The following MEGF6 variants were observed in gnomAD, a reference collection of about 807,000 sequenced individuals.
The protein encoded by MEGF6 is multiple EGF like domains 6.
In MEGF6, 184 loss-of-function variants were observed where a neutral mutation model predicts 207.1. That is an observed-to-expected ratio of 0.89 (90% confidence interval 0.79 to 1.00). The LOEUF (loss-of-function observed/expected upper bound fraction) is 1.00, where lower values mean the gene tolerates loss of function less well. Ranked by LOEUF, MEGF6 falls within the 50% of genes least tolerant of loss-of-function variation. The pLI is 0.00. For missense variants in MEGF6, 2,282 were observed against 2,202.9 expected (o/e 1.04, Z -0.72); for synonymous variants, 1,038 against 910.0 (o/e 1.14, Z -2.53).
chr1:3,564,418 T>C (rs927863895), intron 4 of MEGF6, among the ~76,000 whole-genome samples: 1 of 152,090 alleles, frequency 6.6e-6, no homozygotes, highest in Non-Finnish European at 1.5e-5. Flanking sequence ...CACAAAAGAC[T>C]GCATTGTAAG....
At chr1:3,515,052 G>T (rs1358015138) in intron 6 of MEGF6, among the ~76,000 whole-genome samples, 1 of 152,172 alleles carries the variant, frequency 6.6e-6, no homozygotes, top group African/African-American at 2.4e-5. Flanking sequence ...CTCAGCACCT[G>T]CCCCACCCAC....
intron 4 of MEGF6, among the ~76,000 whole-genome samples, chr1:3,568,252 G>GAC (rs1343670116): frequency 2.0e-5 from 3 of 152,136 alleles, no homozygotes; most frequent in Admixed American, 2.0e-4. Context: ...ATGTGTCATA[G>GAC]ACACACTGGG....
chr1:3,519,322 C>T (rs1049247956), intron 5 of MEGF6, among the ~76,000 whole-genome samples: 3 of 152,270 alleles, frequency 2.0e-5, no homozygotes, highest in African/African-American at 7.2e-5. Context: ...ACCAGGGGCA[C>T]CGTGTGCTTT....
chr1:3,505,426 C>T lies in MEGF6; in HGVS notation c.2049G>A (p.Gln683=). 1 of 1,610,568 alleles carries T rather than the reference C, an allele frequency of 6.2e-7. No individual in the cohort carries two copies. The highest frequency in any genetic ancestry group is 8.5e-7 in the Non-Finnish European group (1 of 1,179,058). The change falls in exon 16 of 37, where the codon CAG becomes CAA. Residue 683 remains glutamine, a synonymous_variant. Transcript: ENST00000356575. ...AGACCCCATGCCTGGACTCACCTGC[C>T]TGACAGCGCTCGCCCCGGAAGCCAG... ...CKAGFRGERC[Q]AECELGYFGP...
intron 6 of MEGF6, 83 bp downstream of exon 6, chr1:3,515,319 C>T (rs1436893880): frequency 2.0e-6 from 3 of 1,494,564 alleles, no homozygotes; most frequent in East Asian, 4.9e-5. Context: ...CTCCTGAAGA[C>T]CCACTTCCAC....
Position 3,501,887 on chromosome 1 carries a change from C to A in MEGF6, c.2223G>T (p.Ser741=), listed in dbSNP as rs200439973. The A allele has an allele frequency of 5.6e-6, 9 of 1,608,952 alleles. No individual in the cohort carries two copies. The highest frequency in any genetic ancestry group is 6.8e-6 in the Non-Finnish European group (8 of 1,178,594). The change falls in exon 18 of 37, where the codon TCG becomes TCT. Residue 741 remains serine (S), a synonymous_variant. Coordinates refer to ENST00000356575, the MANE Select transcript of MEGF6 (RefSeq NM_001409.4). ...GGGCCCCCCCACAGGAGCAGGAGCTCGAGCAGTTCACGCCAAACGTCCCCA... is the reference window on the plus strand; with the variant it reads ...GGGCCCCCCCACAGGAGCAGGAGCTAGAGCAGTTCACGCCAAACGTCCCCA... ...CPVGTFGVNC[S]SSCSCGGAPC...
chr1:3,595,550 C>T (rs778793213), intron 2 of MEGF6, 103 bp from the exon 3 acceptor site: 219 of 991,442 alleles, frequency 2.2e-4, no homozygotes, highest in East Asian at 6.9e-4. Flanking sequence ...GCCGGGTTCC[C>T]GGCGGCACAG....
At chr1:3,540,858 C>T (rs576798947) in intron 4 of MEGF6, among the ~76,000 whole-genome samples, 29 of 152,338 alleles carry the variant, frequency 1.9e-4, no homozygotes, top group East Asian at 3.9e-4. Context: ...TCCACTCGAA[C>T]GCAGGAATTT....
At position 3,559,921 on chromosome 1, in the gene MEGF6, G is replaced by A. The variant is rs1036393806; in HGVS notation, c.481+19904C>T. On this transcript the variant is annotated intron_variant, in intron 4 of 36. Transcript: ENST00000356575. ...AGCTACTCGGGGGGCTGAGGCAGGA[G>A]AATGGCATGAACCCGGGAGGCGGAG... Among the ~76,000 whole-genome samples, 5 of 151,048 alleles carry A rather than the reference G, an allele frequency of 3.3e-5. No individual in the cohort carries two copies. In the East Asian group the frequency reaches 7.8e-4, roughly 24 times the overall value.
At position 3,560,784 on chromosome 1, in the gene MEGF6, A is replaced by T. The variant is rs758732308; in HGVS notation, c.481+19041T>A. On this transcript the variant is annotated intron_variant, in intron 4 of 36. Transcript: ENST00000356575. This position sits in a 1 kb window ranked among gnomAD's most constrained non-coding sequence, Gnocchi z 4.0. ...CTCTGGATTTCCAGGGTCACCCGGC[A>T]GTCCCCTCTGGCAGCCACCGGAGCA... 1 of 473,348 alleles carries T rather than the reference A, an allele frequency of 2.1e-6. No homozygotes were observed. The highest frequency in any genetic ancestry group is 4.4e-6 in the Non-Finnish European group (1 of 228,440). The allele number at this position is 473,348 out of a possible 1,614,324, so 29.3% of individuals were successfully genotyped here. A position where few individuals can be genotyped will look rare whatever the true frequency, so the allele number is the denominator to read the frequency against.
At chr1:3,603,304 G>C (rs59341129) in intron 1 of MEGF6, among the ~76,000 whole-genome samples, 2,983 of 152,066 alleles carry the variant, frequency 0.02, 91 homozygotes, top group African/African-American at 0.069. Flanking sequence ...CAGGCCCTGC[G>C]GGGGGAAGGG....
At chr1:3,496,920 A>C in intron 28 of MEGF6, 68 bp downstream of exon 28, 2 of 1,530,580 alleles carry the variant, frequency 1.3e-6, no homozygotes, top group Non-Finnish European at 1.8e-6. Context: ...CCCGGGGACC[A>C]GGGGAACTGG....
At chr1:3,570,916 T>A (rs1244487789) in intron 4 of MEGF6, among the ~76,000 whole-genome samples, 3 of 151,476 alleles carry the variant, frequency 2.0e-5, no homozygotes, top group Non-Finnish European at 2.9e-5. Context: ...CCTCCACCAA[T>A]CCCCAGGGAC....
intron 4 of MEGF6, chr1:3,531,225 G>A (rs1642154241): frequency 4.0e-6 from 6 of 1,483,664 alleles, no homozygotes; most frequent in Non-Finnish European, 5.4e-6. Flanking sequence ...CGGCCAGCCC[G>A]CGGTCCCGGG....
chr1:3,574,911 G>A (rs1298122479), intron 4 of MEGF6, among the ~76,000 whole-genome samples: 2 of 152,192 alleles, frequency 1.3e-5, no homozygotes, highest in African/African-American at 2.4e-5. Flanking sequence ...CCAAAGGACT[G>A]GGATTACAGG....
chr1:3,586,517 C>T (rs886287289), intron 3 of MEGF6, among the ~76,000 whole-genome samples: 5 of 152,002 alleles, frequency 3.3e-5, no homozygotes. Flanking sequence ...GGAGGAGAGA[C>T]GTGGGGTGTA....
rs894999703 is a variant in MEGF6 at position 3,556,693 on chromosome 1, C to A, written c.481+23132G>T. On this transcript the variant is annotated intron_variant, in intron 4 of 36. Transcript: ENST00000356575. The surrounding 1 kb of genome is among the most constrained non-coding windows in gnomAD (Gnocchi z 4.4). ...GGCAGCTTAAGAGCTCCATTGTGGACAAGGGGTGGCACGTACGTTATCCTT... is the reference window on the plus strand; with the variant it reads ...GGCAGCTTAAGAGCTCCATTGTGGAAAAGGGGTGGCACGTACGTTATCCTT... Among the ~76,000 whole-genome samples the A allele has an allele frequency of 2.6e-5, 4 of 152,170 alleles. No individual in the cohort carries two copies. The highest frequency in any genetic ancestry group is 9.7e-5 in the African/African-American group (4 of 41,444).
chr1:3,494,079 C>T lies in MEGF6; in HGVS notation c.4175G>A (p.Trp1392Ter), dbSNP rs1186051186. 1 of 1,596,384 alleles carries T rather than the reference C, an allele frequency of 6.3e-7. No homozygotes were observed. The highest frequency in any genetic ancestry group is 8.5e-7 in the Non-Finnish European group (1 of 1,170,318). The change falls in exon 33 of 37, where the codon TGG becomes TAG. Residue 1392 changes from tryptophan (W) to a stop codon, truncating the protein, a stop_gained. Coordinates refer to ENST00000356575, the MANE Select transcript of MEGF6 (RefSeq NM_001409.4). LOFTEE classifies it high-confidence loss of function. ...FHGAGCQGLCWCQHGAPCDPI... is the reference protein window; with the variant it reads ...FHGAGCQGLC ...GTCGCAGGGGGCTCCATGTTGACAC[C>T]AGCACAACCCCTGGCAGCCAGCCCC...
At chr1:3,566,669 C>T (rs557981052) in intron 4 of MEGF6, among the ~76,000 whole-genome samples, 137 of 152,334 alleles carry the variant, frequency 9.0e-4, no homozygotes, top group African/African-American at 3.1e-3. Context: ...AGCCCCCCGG[C>T]GCCCCATCAA....
Sources: allele counts gnomAD v4.1 joint callset (sites outside exome capture counted in the v4.1 genomes callset), GRCh38; gene constraint gnomAD v4.1.1; non-coding constraint Gnocchi (gnomAD v3.1); transcripts MANE v1.5; gene names NCBI Gene and HGNC (gene_info 2026-07-23, HGNC 2026-07-21).